The following CDH18 variants were observed in gnomAD, a reference collection of about 807,000 sequenced individuals.
CDH18 encodes the protein cadherin-18.
A neutral mutation model predicts 67.9 loss-of-function variants in CDH18; 31 were observed. The observed-to-expected ratio is 0.46, with a 90% CI of 0.34 to 0.62. CDH18 has a LOEUF of 0.62. Ranked by LOEUF, CDH18 falls within the 20% of genes least tolerant of loss-of-function variation. The pLI is 0.01. For missense variants in CDH18, 890 were observed against 975.5 expected (o/e 0.91, Z 1.17); for synonymous variants, 362 against 347.2 (o/e 1.04, Z -0.48).
At chr5:19,985,898 G>A (rs1313294974) in intron 1 of CDH18, among the ~76,000 whole-genome samples, 1 of 152,112 alleles carries the variant, frequency 6.6e-6, no homozygotes, top group South Asian at 2.1e-4. Flanking sequence ...TCCTAGCTTG[G>A]TTGAAGTGTT....
intron 3 of CDH18, among the ~76,000 whole-genome samples, chr5:19,755,080 C>A (rs1247836628): frequency 6.6e-6 from 1 of 151,482 alleles, no homozygotes; most frequent in Non-Finnish European, 1.5e-5. Context: ...AACTGACAAT[C>A]TAAGGTCATG....
intron 2 of CDH18, among the ~76,000 whole-genome samples, chr5:19,916,914 C>T (rs534418421): frequency 6.6e-6 from 1 of 152,184 alleles, no homozygotes; most frequent in Admixed American, 6.6e-5. Flanking sequence ...GTGGAACATG[C>T]CCCATTAATC....
chr5:20,258,707 T>C (rs1316224844), intron 1 of CDH18, among the ~76,000 whole-genome samples: 1 of 152,162 alleles, frequency 6.6e-6, no homozygotes, highest in Non-Finnish European at 1.5e-5. Context: ...GTTTTGATTA[T>C]CATTACTTTC....
At chr5:20,533,452 T>G (rs1756535422) in intron 1 of CDH18, among the ~76,000 whole-genome samples, 1 of 152,090 alleles carries the variant, frequency 6.6e-6, no homozygotes, top group Non-Finnish European at 1.5e-5. Flanking sequence ...ACATGCAAAA[T>G]TAGTTTTTGA....
At chr5:20,429,073 CTCT>C (rs1560993149) in intron 1 of CDH18, among the ~76,000 whole-genome samples, 1 of 142,774 alleles carries the variant, frequency 7.0e-6, no homozygotes, top group African/African-American at 2.6e-5. Flanking sequence ...TTGCTGATAC[CTCT>C]TTTTTTTTTT....
chr5:19,986,745 A>G lies in CDH18; in HGVS notation c.-376+1341T>C, dbSNP rs532291751. Among the ~76,000 whole-genome samples, 8 of 152,306 alleles carry G rather than the reference A, an allele frequency of 5.3e-5. No homozygotes were observed. The East Asian group carries it at 1.5e-3, about 29-fold the overall frequency. Reference sequence around the variant, plus strand: ...ATGGAACTCATTATCTACGAGTATCACATCCTATCTTCTTCCTCCCACATC... The same window carrying G: ...ATGGAACTCATTATCTACGAGTATCGCATCCTATCTTCTTCCTCCCACATC... On this transcript the variant is annotated intron_variant, in intron 1 of 12. Transcript: ENST00000382275.
At chr5:19,838,726 A>T in intron 3 of CDH18, 33 bp downstream of exon 3, 4 of 1,458,920 alleles carry the variant, frequency 2.7e-6, no homozygotes, top group Non-Finnish European at 2.9e-6. Flanking sequence ...ATTTCTCAGG[A>T]TAGAAAAAAC....
intron 1 of CDH18, among the ~76,000 whole-genome samples, chr5:20,547,664 G>C (rs1480751080): frequency 1.3e-5 from 2 of 152,034 alleles, no homozygotes; most frequent in Non-Finnish European, 2.9e-5. Context: ...GGACATCCTA[G>C]TCAACATGTT....
intron 1 of CDH18, among the ~76,000 whole-genome samples, chr5:20,526,378 C>T (rs1406228943): frequency 6.6e-6 from 1 of 152,060 alleles, no homozygotes; most frequent in African/African-American, 2.4e-5. Context: ...AGAGGGATTT[C>T]CCCACCACAG....
In CDH18 at chr5:20,143,510, C is replaced by T. The variant is rs367892106; in HGVS notation, c.-518+111934G>A. On this transcript the variant is annotated intron_variant, in intron 2 of 14. Coordinates refer to the CDH18 transcript ENST00000507958. ...AGCATCCCATGTAGCTGGGACTATACGCATGCACCGCTATGCCCAGATAAT... is the reference window on the plus strand; with the variant it reads ...AGCATCCCATGTAGCTGGGACTATATGCATGCACCGCTATGCCCAGATAAT... 4.6e-5 allele frequency among the ~76,000 whole-genome samples: 7 copies of T among 152,134 alleles called. No homozygotes were observed. In the East Asian group the frequency reaches 7.8e-4, roughly 17 times the overall value.
intron 2 of CDH18, among the ~76,000 whole-genome samples, chr5:20,009,837 T>C (rs1435254336): frequency 6.6e-6 from 1 of 152,100 alleles, no homozygotes; most frequent in Non-Finnish European, 1.5e-5. Context: ...TTCTTTGTTT[T>C]CATGCCCCTA....
chr5:19,762,861 A>C (rs1312610209), intron 3 of CDH18, among the ~76,000 whole-genome samples: 7 of 152,204 alleles, frequency 4.6e-5, no homozygotes, highest in African/African-American at 1.7e-4. Flanking sequence ...ATGTCCATCA[A>C]TGATAGACTG....
At chr5:20,434,254 T>C (rs1029931695) in intron 1 of CDH18, among the ~76,000 whole-genome samples, 1 of 152,068 alleles carries the variant, frequency 6.6e-6, no homozygotes, top group African/African-American at 2.4e-5. Flanking sequence ...ATTAAAAACA[T>C]TGATGAGGAA....
chr5:19,852,475 T>C (rs750724173), intron 2 of CDH18, among the ~76,000 whole-genome samples: 3 of 152,018 alleles, frequency 2.0e-5, no homozygotes, highest in Admixed American at 6.6e-5. Flanking sequence ...CATTCGCTTG[T>C]AGGTCTGGGC....
intron 1 of CDH18, among the ~76,000 whole-genome samples, chr5:20,356,200 T>C (rs1334361505): frequency 6.6e-6 from 1 of 152,126 alleles, no homozygotes; most frequent in Non-Finnish European, 1.5e-5. Context: ...TTGGCTAATG[T>C]GGTAAAACAC....
Position 19,829,463 on chromosome 5 carries a change from T to C in CDH18, c.228+9296A>G, listed in dbSNP as rs1780785800. 2.0e-5 allele frequency among the ~76,000 whole-genome samples: 3 copies of C among 152,124 alleles called. No homozygotes were observed. In the South Asian group the frequency reaches 6.2e-4, roughly 31 times the overall value. On this transcript the variant is annotated intron_variant, in intron 3 of 12. Transcript: ENST00000382275. ...AACAATAATGCAATTTCATTCACAATAGTCACAAAAATAATAAATTTTATA... is the reference window on the plus strand; with the variant it reads ...AACAATAATGCAATTTCATTCACAACAGTCACAAAAATAATAAATTTTATA...
intron 1 of CDH18, among the ~76,000 whole-genome samples, chr5:20,363,862 C>A (rs1742302776): frequency 6.6e-6 from 1 of 152,036 alleles, no homozygotes; most frequent in Non-Finnish European, 1.5e-5. Context: ...CCTTGCTGAA[C>A]CCTAATTTAA....
At chr5:20,298,874 C>A (rs531755074) in intron 1 of CDH18, among the ~76,000 whole-genome samples, 1 of 151,924 alleles carries the variant, frequency 6.6e-6, no homozygotes, top group African/African-American at 2.4e-5. Context: ...AGAAAAAAAA[C>A]ATTTGGATAA....
intron 2 of CDH18, among the ~76,000 whole-genome samples, chr5:20,221,015 G>A (rs557166922): frequency 4.6e-5 from 7 of 152,048 alleles, no homozygotes; most frequent in Admixed American, 2.6e-4. Flanking sequence ...CTTGTACACC[G>A]TTGGTGGGTG....
Sources: allele counts gnomAD v4.1 joint callset (sites outside exome capture counted in the v4.1 genomes callset), GRCh38; gene constraint gnomAD v4.1.1; transcripts MANE v1.5; gene names NCBI Gene and HGNC (gene_info 2026-07-23, HGNC 2026-07-21).